The following MAPT variants were observed in gnomAD, a reference collection of about 807,000 sequenced individuals.
MAPT encodes the protein microtubule-associated protein tau.
A neutral mutation model predicts 67.9 loss-of-function variants in MAPT; 34 were observed. That is an observed-to-expected ratio of 0.50 (90% CI 0.38 to 0.67). The LOEUF (loss-of-function observed/expected upper bound fraction) is 0.67, where lower values mean the gene tolerates loss of function less well. Ranked by LOEUF, MAPT falls within the 30% of genes least tolerant of loss-of-function variation. MAPT has a pLI of 0.00. For synonymous variants in MAPT, 456 were observed against 464.5 expected, an observed-to-expected ratio of 0.98 and a Z score of 0.23; for missense variants, 881 against 1,115.2, an observed-to-expected ratio of 0.79 and a Z score of 2.99.
At chr17:45,989,540 A>T (rs1478157581) in intron 6 of MAPT, among the ~76,000 whole-genome samples, 3 of 152,222 alleles carry the variant, frequency 2.0e-5, no homozygotes, top group African/African-American at 7.2e-5. Flanking sequence ...AGTCCCAGCT[A>T]CTCGGGAGGC....
chr17:46,001,207 C>T (rs1035096481), intron 9 of MAPT, among the ~76,000 whole-genome samples: 2 of 152,064 alleles, frequency 1.3e-5, no homozygotes, highest in Non-Finnish European at 2.9e-5. Flanking sequence ...CCAGCCTGGG[C>T]GAGACCCTGT....
At chr17:46,000,261 C>T (rs918387984) in intron 9 of MAPT, among the ~76,000 whole-genome samples, 4 of 152,192 alleles carry the variant, frequency 2.6e-5, no homozygotes, top group Non-Finnish European at 5.9e-5. Context: ...AAACGGAAAA[C>T]GTCTGTTTTC....
intron 1 of MAPT, among the ~76,000 whole-genome samples, chr17:45,903,597 C>A (rs2063763866): frequency 1.4e-5 from 2 of 147,614 alleles, no homozygotes; most frequent in South Asian, 4.2e-4. Context: ...CGCCTGTAGT[C>A]CCAGCTACTC....
intron 1 of MAPT, among the ~76,000 whole-genome samples, chr17:45,920,538 G>A (rs2065608165): frequency 6.6e-6 from 1 of 152,132 alleles, no homozygotes; most frequent in African/African-American, 2.4e-5. Context: ...CTCCTCTGCT[G>A]AGCCGTGCAC....
At chr17:45,919,295 T>C (rs2065472607) in intron 1 of MAPT, among the ~76,000 whole-genome samples, 1 of 152,008 alleles carries the variant, frequency 6.6e-6, no homozygotes. Context: ...CTGGGACCGA[T>C]TGTGTTCTCA....
chr17:46,007,461 T>C (rs1228941370), intron 9 of MAPT, among the ~76,000 whole-genome samples: 1 of 152,112 alleles, frequency 6.6e-6, no homozygotes, highest in East Asian at 1.9e-4. Flanking sequence ...CATTCCAGCC[T>C]GGGTGACAGA....
intron 11 of MAPT, among the ~76,000 whole-genome samples, chr17:46,016,734 G>A (rs989430253): frequency 2.0e-5 from 3 of 152,186 alleles, no homozygotes; most frequent in African/African-American, 7.2e-5. Flanking sequence ...TCGCGCCACT[G>A]CATACCAGCC....
Position 45,969,199 on chromosome 17 carries a change from A to C in MAPT, c.134-2660A>C, listed in dbSNP as rs2071389131. On this transcript the variant is annotated intron_variant, in intron 2 of 12. Coordinates refer to ENST00000262410, the MANE Select transcript of MAPT (RefSeq NM_001377265.1). ...AATTCACTGAGCTGAGAGCTGAGGA[A>C]CCATTGATCTGATGGCTGAGACACC... 2 of 152,388 alleles carry C rather than the reference A, an allele frequency of 1.3e-5. 1 individual carries two copies. The highest frequency in any genetic ancestry group is 6.8e-3 in the Middle Eastern group (2 of 294). 9.4% of individuals were successfully genotyped at this position (152,388 alleles called of 1,614,324 possible).
intron 1 of MAPT, among the ~76,000 whole-genome samples, chr17:45,928,002 GAAAAAAAAAAAA>G (rs35954789): frequency 1.6e-4 from 9 of 55,192 alleles, no homozygotes; most frequent in Middle Eastern, 0.016. Flanking sequence ...TCCGTCTCAG[GAAAAAAAAAAAA>G]AAAAAAAAAA....
At chr17:45,964,588 G>T (rs1443068986) in intron 2 of MAPT, among the ~76,000 whole-genome samples, 1 of 151,892 alleles carries the variant, frequency 6.6e-6, no homozygotes, top group Non-Finnish European at 1.5e-5. Flanking sequence ...AGAGGCAGAG[G>T]CAGGAGGATC....
Position 45,983,808 on chromosome 17 carries a change from C to A in MAPT, c.1229C>A (p.Pro410Gln), listed in dbSNP as rs769728181. ...TTTCCAGGGGCCCCTGGAGAGGGGC[C>A]AGAGGCCCGGGGCCCCTCTTTGGGA... ...AAFPGAPGEG[P>Q]EARGPSLGED... The change falls in exon 5 of 13, where the codon CCA (proline) becomes CAA (glutamine). Residue 410 changes from proline to glutamine, a missense_variant. By Grantham distance (76) the Pro-to-Gln change is moderately conservative. Coordinates refer to ENST00000262410, the MANE Select transcript of MAPT (RefSeq NM_001377265.1). 6.2e-7 allele frequency: 1 copy of A among 1,613,328 alleles called. No homozygotes were observed. The highest frequency in any genetic ancestry group is 1.3e-5 in the African/African-American group (1 of 74,882).
chr17:45,902,107 C>T (rs983577689), intron 1 of MAPT, among the ~76,000 whole-genome samples: 1 of 152,106 alleles, frequency 6.6e-6, no homozygotes, highest in South Asian at 2.1e-4. Flanking sequence ...CGGAGTCTCG[C>T]TCTATCGCCC....
At chr17:46,000,144 G>T (rs2074875046) in intron 9 of MAPT, among the ~76,000 whole-genome samples, 1 of 152,182 alleles carries the variant, frequency 6.6e-6, no homozygotes, top group South Asian at 2.1e-4. Context: ...CCTCAACCGT[G>T]CCGGAACAGA....
intron 1 of MAPT, among the ~76,000 whole-genome samples, chr17:45,957,079 A>G (rs1039909059): frequency 6.6e-6 from 1 of 152,108 alleles, no homozygotes; most frequent in Non-Finnish European, 1.5e-5. Flanking sequence ...TGTCTTTATA[A>G]CAGCATGATT....
chr17:45,941,211 TAA>T (rs1184278784), intron 1 of MAPT, among the ~76,000 whole-genome samples: 5 of 152,254 alleles, frequency 3.3e-5, no homozygotes, highest in African/African-American at 9.6e-5. Flanking sequence ...AAAATAAATT[TAA>T]GTTTGAGTCT....
intron 1 of MAPT, among the ~76,000 whole-genome samples, chr17:45,941,376 GAC>G (rs2067837500): frequency 6.6e-6 from 1 of 152,088 alleles, no homozygotes. Flanking sequence ...AAGCCTCTCA[GAC>G]ACAGGTGGGT....
At chr17:45,959,482 G>C (rs2145254212) in intron 1 of MAPT, among the ~76,000 whole-genome samples, 1 of 152,320 alleles carries the variant, frequency 6.6e-6, no homozygotes, top group East Asian at 1.9e-4. Context: ...GATCTTGTTT[G>C]AAAAGCAATT....
At chr17:45,894,713 C>T (rs2063033078) in intron 1 of MAPT, 27 bp downstream of exon 1, 1 of 152,960 alleles carries the variant, frequency 6.5e-6, no homozygotes, top group East Asian at 1.9e-4. Context: ...CGAAATCTGC[C>T]TCGCCGTCCG....
At chr17:46,018,466 C>T in intron 11 of MAPT, 152 bp from the exon 12 acceptor site, 1 of 761,730 alleles carries the variant, frequency 1.3e-6, no homozygotes, top group South Asian at 1.4e-5. Flanking sequence ...GTCTTCTTCC[C>T]TCCAGAGCAG....
Sources: allele counts gnomAD v4.1 joint callset (sites outside exome capture counted in the v4.1 genomes callset), GRCh38; gene constraint gnomAD v4.1.1; transcripts MANE v1.5; gene names NCBI Gene and HGNC (gene_info 2026-07-23, HGNC 2026-07-21).